SLC16A2: variants seen among roughly 807,000 people sequenced by gnomAD.
SLC16A2 encodes monocarboxylate transporter 8.
A neutral mutation model predicts 27.2 loss-of-function variants in SLC16A2; 3 were observed. The ratio of observed to expected loss-of-function variants is 0.11; its 90% CI spans 0.05 to 0.28. The LOEUF is 0.28. SLC16A2 is among the 10% of genes least tolerant of loss of function. SLC16A2 has a pLI of 1.00. For missense variants in SLC16A2, 295 were observed against 458.5 expected (o/e 0.64, Z 3.26); for synonymous variants, 202 against 187.8 (o/e 1.08, Z -0.62).
intron 1 of SLC16A2, among the ~76,000 whole-genome samples, chrX:74,460,791 C>G (rs1416811941): frequency 2.7e-5 from 3 of 111,254 alleles, no homozygotes; most frequent in African/African-American, 9.8e-5. Flanking sequence ...GCTGGGACTA[C>G]AGGCGCCCAC....
chrX:74,426,289 C>A (rs1020792454), intron 1 of SLC16A2, among the ~76,000 whole-genome samples: 1 of 112,043 alleles, frequency 8.9e-6, no homozygotes, highest in African/African-American at 3.2e-5. Context: ...GCCACACAGC[C>A]CTTGGCCAGG....
intron 1 of SLC16A2, among the ~76,000 whole-genome samples, chrX:74,439,731 T>C (rs1384868417): frequency 9.1e-6 from 1 of 109,386 alleles, no homozygotes; most frequent in Non-Finnish European, 1.9e-5. Context: ...GAAGTATATT[T>C]GCTTCAAAGA....
At chrX:74,438,074 G>A (rs775713403) in intron 1 of SLC16A2, among the ~76,000 whole-genome samples, 7 of 112,455 alleles carry the variant, frequency 6.2e-5, no homozygotes, top group Non-Finnish European at 1.3e-4. Context: ...CTTGGAGTGG[G>A]AAGTCACAAA....
intron 1 of SLC16A2, among the ~76,000 whole-genome samples, chrX:74,519,724 AAAAAAAC>A (rs1930375649): frequency 1.4e-5 from 1 of 69,513 alleles, no homozygotes; most frequent in Non-Finnish European, 3.7e-5. Context: ...TCAAAAAAAA[AAAAAAAC>A]AAAAAAAAAA....
At position 74,524,667 on chromosome X, in the gene SLC16A2, G is replaced by T. The variant is rs1262836450; in HGVS notation, c.884G>T (p.Gly295Val). Reference sequence around the variant, plus strand: ...TCCCAGGACACCCCAAGCAAGAGAGGTGTCCGCACCCTGCACCAGCGCTTT... The same window carrying T: ...TCCCAGGACACCCCAAGCAAGAGAGTTGTCCGCACCCTGCACCAGCGCTTT... Reference protein sequence around the residue: ...PSSQDTPSKRGVRTLHQRFLA... With the variant: ...PSSQDTPSKRVVRTLHQRFLA... The change falls in exon 3 of 6, where the codon GGT becomes GTT. Residue 295 changes from glycine to valine, a missense_variant. Around this residue, in one of 3 missense-constraint regions of SLC16A2, gnomAD observed 144 missense variants for 219.8 expected, o/e 0.66. Transcript: ENST00000587091. The T allele has an allele frequency of 3.3e-6, 4 of 1,211,873 alleles. No homozygotes were observed. The highest frequency in any genetic ancestry group is 3.3e-6 in the Non-Finnish European group (3 of 895,558).
chrX:74,487,308 G>A (rs1929739830), intron 1 of SLC16A2, among the ~76,000 whole-genome samples: 2 of 110,686 alleles, frequency 1.8e-5, no homozygotes, highest in African/African-American at 6.6e-5. Flanking sequence ...CTATTCGTTG[G>A]GGGATATCCC....
At chrX:74,469,845 T>C (rs1248127146) in intron 1 of SLC16A2, among the ~76,000 whole-genome samples, 1 of 111,431 alleles carries the variant, frequency 9.0e-6, no homozygotes, top group African/African-American at 3.3e-5. Flanking sequence ...TTACCCAAAG[T>C]TCATAATTTA....
chrX:74,526,099 G>T (rs1930484102), intron 4 of SLC16A2, among the ~76,000 whole-genome samples: 1 of 112,287 alleles, frequency 8.9e-6, no homozygotes, highest in Admixed American at 9.4e-5. Context: ...GATTCTGTGA[G>T]AGCAGTGTAT....
chrX:74,506,003 T>G (rs1930119253), intron 1 of SLC16A2, among the ~76,000 whole-genome samples: 1 of 112,255 alleles, frequency 8.9e-6, no homozygotes. Flanking sequence ...TCCTGCTGCT[T>G]CTTCTCTGGT....
At chrX:74,495,122 C>A (rs1241829317) in intron 1 of SLC16A2, among the ~76,000 whole-genome samples, 7 of 112,064 alleles carry the variant, frequency 6.2e-5, no homozygotes, top group Non-Finnish European at 1.1e-4. Flanking sequence ...ATCTGTGCCC[C>A]ACACCCCAGG....
intron 1 of SLC16A2, among the ~76,000 whole-genome samples, chrX:74,480,960 C>T (rs918394012): frequency 2.8e-4 from 31 of 112,361 alleles, no homozygotes; most frequent in African/African-American, 9.1e-4. Context: ...TTATCAAATG[C>T]TTTCTCTGCA....
chrX:74,439,611 G>A (rs189421433), intron 1 of SLC16A2, among the ~76,000 whole-genome samples: 12 of 105,365 alleles, frequency 1.1e-4, no homozygotes, highest in East Asian at 6.1e-4. Context: ...TCACTCTTGC[G>A]CTTTCTCTCT....
chrX:74,492,875 C>T (rs1929857444), intron 1 of SLC16A2, among the ~76,000 whole-genome samples: 1 of 111,694 alleles, frequency 9.0e-6, no homozygotes, highest in Admixed American at 9.4e-5. Context: ...TGCTTAGTAA[C>T]AGAAGCACCT....
intron 1 of SLC16A2, among the ~76,000 whole-genome samples, chrX:74,471,619 G>T (rs769400958): frequency 9.0e-6 from 1 of 111,624 alleles, no homozygotes; most frequent in Non-Finnish European, 1.9e-5. Flanking sequence ...GCCCCTTGAA[G>T]CACAAGTTTT....
At chrX:74,474,941 C>T (rs1439442688) in intron 1 of SLC16A2, among the ~76,000 whole-genome samples, 3 of 110,706 alleles carry the variant, frequency 2.7e-5, no homozygotes, top group Admixed American at 9.6e-5. Flanking sequence ...AATAACCATA[C>T]GTGTGCATGT....
chrX:74,472,679 T>A (rs1280352088), intron 1 of SLC16A2, among the ~76,000 whole-genome samples: 2 of 109,591 alleles, frequency 1.8e-5, no homozygotes, highest in Admixed American at 9.8e-5. Flanking sequence ...TCTTTTTTTT[T>A]AAAAAGACAT....
intron 1 of SLC16A2, among the ~76,000 whole-genome samples, chrX:74,446,456 C>CA (rs1286765791): frequency 9.0e-6 from 1 of 110,582 alleles, no homozygotes; most frequent in Non-Finnish European, 1.9e-5. Flanking sequence ...CCCATCTCTG[C>CA]AAAAAAATAC....
At chrX:74,488,722 C>T (rs2147858729) in intron 1 of SLC16A2, among the ~76,000 whole-genome samples, 1 of 111,439 alleles carries the variant, frequency 9.0e-6, no homozygotes, top group Admixed American at 9.5e-5. Context: ...ACAACCCAGT[C>T]ATTTTATTTT....
At chrX:74,494,246 C>T (rs1198913245) in intron 1 of SLC16A2, among the ~76,000 whole-genome samples, 4 of 112,161 alleles carry the variant, frequency 3.6e-5, no homozygotes, top group Non-Finnish European at 5.6e-5. Context: ...AACTGCTCCA[C>T]GCTTCTCTAT....
Sources: gnomAD v4.1 joint callset for allele counts (sites outside exome capture counted in the v4.1 genomes callset) on GRCh38, gnomAD v4.1.1 for gene constraint, gnomAD v4.1.1 regional missense constraint, MANE v1.5 for transcripts, NCBI Gene and HGNC (gene_info 2026-07-23, HGNC 2026-07-21) for gene names.